Variants in FRMD5 observed in about 807,000 individuals in gnomAD.
FRMD5 encodes the protein FERM domain-containing protein 5.
FRMD5 carries 20 observed loss-of-function variants against 69.0 expected under a neutral mutation model. The ratio of observed to expected loss-of-function variants is 0.29; its 90% CI spans 0.20 to 0.42. FRMD5 has a LOEUF of 0.42. Ranked by LOEUF, FRMD5 falls within the 10% of genes least tolerant of loss-of-function variation. FRMD5 has a pLI of 1.00. For synonymous variants in FRMD5, 271 were observed against 260.1 expected (o/e 1.04, Z -0.40); for missense variants, 595 against 708.6 (o/e 0.84, Z 1.82).
intron 1 of FRMD5, among the ~76,000 whole-genome samples, chr15:44,178,900 G>A (rs1366975638): frequency 6.6e-6 from 1 of 152,110 alleles, no homozygotes; most frequent in African/African-American, 2.4e-5. Flanking sequence ...GCTGAGGGAG[G>A]AGAATCGCTT....
At chr15:43,909,668 C>T (rs536549155) in intron 5 of FRMD5, among the ~76,000 whole-genome samples, 4 of 152,078 alleles carry the variant, frequency 2.6e-5, no homozygotes, top group South Asian at 2.1e-4. Context: ...TTAGTAGAGA[C>T]GGGGTTTCAC....
At chr15:43,885,228 A>G (rs935693370) in intron 11 of FRMD5, 14 of 214,712 alleles carry the variant, frequency 6.5e-5, no homozygotes, top group Non-Finnish European at 1.3e-4. Context: ...GCTGGAGTGC[A>G]GTGGTGCAAT....
At chr15:44,069,320 C>A (rs1334535502) in intron 1 of FRMD5, among the ~76,000 whole-genome samples, 1 of 152,192 alleles carries the variant, frequency 6.6e-6, no homozygotes, top group East Asian at 1.9e-4. Flanking sequence ...GCATTACATT[C>A]CTAGGCATTT....
At chr15:44,054,862 G>T (rs909933076) in intron 1 of FRMD5, among the ~76,000 whole-genome samples, 2 of 152,010 alleles carry the variant, frequency 1.3e-5, no homozygotes, top group South Asian at 2.1e-4. Flanking sequence ...ACGAGGTCAG[G>T]AGTTCAAAAC....
chr15:44,146,187 TG>T (rs769341076), intron 1 of FRMD5, among the ~76,000 whole-genome samples: 2 of 152,136 alleles, frequency 1.3e-5, no homozygotes, highest in Non-Finnish European at 2.9e-5. Context: ...CAGTTTGTGT[TG>T]TTCCCCTTCC....
chr15:44,104,947 C>G (rs2076694606), intron 1 of FRMD5, among the ~76,000 whole-genome samples: 1 of 152,036 alleles, frequency 6.6e-6, no homozygotes, highest in Non-Finnish European at 1.5e-5. Context: ...TATGGATATA[C>G]CACACTTTAT....
chr15:44,197,582 T>C (rs144971763), upstream of FRMD5, among the ~76,000 whole-genome samples: 5,047 of 147,748 alleles, frequency 0.034, 149 homozygotes, highest in Non-Finnish European at 0.045. Context: ...CTCAGGAGGC[T>C]GAGGCAGGAG....
intron 1 of FRMD5, among the ~76,000 whole-genome samples, chr15:44,143,644 G>C (rs567823346): frequency 6.6e-6 from 1 of 150,464 alleles, no homozygotes; most frequent in African/African-American, 2.5e-5. Flanking sequence ...ATTATCTTTC[G>C]GCTGGGCGCG....
intron 1 of FRMD5, among the ~76,000 whole-genome samples, chr15:44,147,331 A>G (rs2077372357): frequency 6.6e-6 from 1 of 152,124 alleles, no homozygotes; most frequent in Admixed American, 6.5e-5. Context: ...TGAGATCTCT[A>G]TTCTGTTCCA....
At chr15:43,908,136 G>A (rs924087692) in intron 5 of FRMD5, among the ~76,000 whole-genome samples, 1 of 151,992 alleles carries the variant, frequency 6.6e-6, no homozygotes, top group Admixed American at 6.6e-5. Flanking sequence ...AGATCAGCCT[G>A]GGCAATGTGG....
At chr15:43,899,408 TG>T (rs557709696) in intron 7 of FRMD5, among the ~76,000 whole-genome samples, 31 of 152,230 alleles carry the variant, frequency 2.0e-4, no homozygotes, top group African/African-American at 7.5e-4. Flanking sequence ...AGAAGTCTCC[TG>T]GGGGGTTTCT....
intron 1 of FRMD5, among the ~76,000 whole-genome samples, chr15:44,015,188 T>C: frequency 6.6e-6 from 1 of 151,432 alleles, no homozygotes; most frequent in Non-Finnish European, 1.5e-5. Flanking sequence ...TAGGCTGGAG[T>C]ATAACAGTGT....
chr15:44,102,821 T>TGG (rs1396951385), intron 1 of FRMD5, among the ~76,000 whole-genome samples: 7 of 152,246 alleles, frequency 4.6e-5, no homozygotes, highest in Non-Finnish European at 1.0e-4. Flanking sequence ...CAAAACTGGC[T>TGG]GGACTCCCAG....
In FRMD5 at chr15:44,190,900, A is replaced by G. The variant is rs184507529; in HGVS notation, c.102+4053T>C. On this transcript the variant is annotated intron_variant, in intron 1 of 13. Transcript: ENST00000417257. ...ATGATTTATAGCTTTCTCTTAATCT[A>G]TTATAAACTCTAGAGTGCCTGGCAA... is the stretch of plus-strand genomic sequence containing the variant. Among the ~76,000 whole-genome samples, 278 of 152,308 alleles carry G rather than the reference A, an allele frequency of 1.8e-3. 1 individual carries two copies. Among genetic ancestry groups the G allele is most frequent in the Non-Finnish European group, 1.4e-3 (92 of 68,024 alleles).
intron 8 of FRMD5, among the ~76,000 whole-genome samples, chr15:43,891,328 G>A (rs2088788408): frequency 1.3e-5 from 2 of 152,138 alleles, no homozygotes; most frequent in Admixed American, 1.3e-4. Flanking sequence ...CTGCAGCTGA[G>A]GCAGTGGCTC....
At chr15:43,945,218 T>G (rs1421162901) in intron 1 of FRMD5, among the ~76,000 whole-genome samples, 1 of 152,240 alleles carries the variant, frequency 6.6e-6, no homozygotes, top group South Asian at 2.1e-4. Context: ...CTACTTTTTA[T>G]TATGCTCCAG....
intron 1 of FRMD5, among the ~76,000 whole-genome samples, chr15:43,966,593 G>A (rs2090299208): frequency 6.6e-6 from 1 of 152,120 alleles, no homozygotes; most frequent in Admixed American, 6.6e-5. Context: ...AAGGAGGGAT[G>A]AGGCTGATTT....
intron 1 of FRMD5, among the ~76,000 whole-genome samples, chr15:44,060,250 T>C (rs1893036962): frequency 1.3e-5 from 2 of 152,136 alleles, no homozygotes; most frequent in Non-Finnish European, 2.9e-5. Context: ...TAAGCAGCCC[T>C]TGAAGGCAGC....
intron 1 of FRMD5, among the ~76,000 whole-genome samples, chr15:44,143,866 G>A (rs2077311847): frequency 6.9e-6 from 1 of 144,422 alleles, no homozygotes. Context: ...GGAGGTTGCA[G>A]TGAGCCAAGA....
Sources: allele counts gnomAD v4.1 joint callset (sites outside exome capture counted in the v4.1 genomes callset), GRCh38; gene constraint gnomAD v4.1.1; transcripts MANE v1.5; gene names NCBI Gene and HGNC (gene_info 2026-07-23, HGNC 2026-07-21).